Variants in COL5A2 observed in about 807,000 individuals in gnomAD.
COL5A2 encodes the protein collagen type V alpha 2 chain, also known as collagen alpha-2(V) chain.
A neutral mutation model predicts 208.2 loss-of-function variants in COL5A2; 23 were observed. That is an observed-to-expected ratio of 0.11 (90% confidence interval 0.08 to 0.16). The LOEUF is 0.16. COL5A2 is among the 10% of genes least tolerant of loss of function. COL5A2 has a pLI of 1.00. For synonymous variants in COL5A2, 625 were observed against 628.5 expected (o/e 0.99, Z 0.08); for missense variants, 1,590 against 1,956.4 (o/e 0.81, Z 3.53).
chr2:189,175,046 G>C (rs1259668346), intron 1 of COL5A2, among the ~76,000 whole-genome samples: 20 of 152,242 alleles, frequency 1.3e-4, no homozygotes, highest in Admixed American at 1.3e-3. Flanking sequence ...CATTGAAACC[G>C]TAAGATCTAG....
At chr2:189,428,451 CTACTAAAAA>C in the COL5A2 span, among the ~76,000 whole-genome samples, 1,157 of 152,158 alleles carry the variant, frequency 7.6e-3, 17 homozygotes, top group African/African-American at 0.027. Flanking sequence ...AATCCCATCT[CTACTAAAAA>C]TACAAAAATT....
At chr2:189,085,134 A>C in intron 11 of COL5A2, 26 bp downstream of exon 11, 1 of 1,604,568 alleles carries the variant, frequency 6.2e-7, no homozygotes, top group Non-Finnish European at 8.5e-7. Flanking sequence ...CAAAACCTGA[A>C]TGGAAAATGA....
the COL5A2 span, among the ~76,000 whole-genome samples, chr2:189,397,157 A>G: frequency 6.6e-6 from 1 of 152,174 alleles, no homozygotes; most frequent in African/African-American, 2.4e-5. Context: ...ATGAGAGTGG[A>G]GACTTTATGA....
rs1398449643 is a variant in COL5A2 at position 189,064,596 on chromosome 2, A to T, written c.1677T>A (p.Asp559Glu). ...GCCCAGGTTCCCCTGGACGTCCTGG[A>T]TCCCCCTGGCTTCCTTTGGGTCCTG... is the stretch of plus-strand genomic sequence containing the variant. ...GSSGPKGSQG[D>E]PGRPGEPGLP... The change falls in exon 25 of 54, where the codon GAT (aspartate) becomes GAA (glutamate). Residue 559 changes from aspartate (D) to glutamate (E), a missense_variant. Asp to Glu is a conservative substitution (Grantham distance 45). Coordinates refer to ENST00000374866, the MANE Select transcript of COL5A2 (RefSeq NM_000393.5). 4 of 1,613,978 alleles carry T rather than the reference A, an allele frequency of 2.5e-6. No homozygotes were observed. Among genetic ancestry groups the T allele is most frequent in the Non-Finnish European group, 3.4e-6 (4 of 1,179,976 alleles).
chr2:189,434,196 A>G, the COL5A2 span, among the ~76,000 whole-genome samples: 30 of 152,202 alleles, frequency 2.0e-4, no homozygotes, highest in Non-Finnish European at 4.4e-4. Flanking sequence ...AATAACAGCT[A>G]TTTATGACAA....
chr2:189,311,753 G>T, the COL5A2 span: 2 of 784,418 alleles, frequency 2.5e-6, no homozygotes, highest in Non-Finnish European at 2.3e-6. Context: ...TACTTGTCAA[G>T]CTCCTCTCGG....
the COL5A2 span, among the ~76,000 whole-genome samples, chr2:189,299,880 G>A: frequency 6.6e-6 from 1 of 152,076 alleles, no homozygotes; most frequent in Non-Finnish European, 1.5e-5. Context: ...AAAAAAAATA[G>A]CAACACCCAG....
intron 1 of COL5A2, among the ~76,000 whole-genome samples, chr2:189,129,807 G>T (rs1576545434): frequency 6.6e-6 from 1 of 152,096 alleles, no homozygotes; most frequent in Admixed American, 6.5e-5. Context: ...TGTGGTGGGA[G>T]GTTTACCGTA....
At chr2:189,066,705 A>G (rs1686159442) in intron 22 of COL5A2, 24 bp downstream of exon 22, 1 of 1,595,230 alleles carries the variant, frequency 6.3e-7, no homozygotes, top group South Asian at 1.1e-5. Flanking sequence ...TGTTCTACTT[A>G]TCATTAAAAC....
At chr2:189,427,715 G>A in the COL5A2 span, among the ~76,000 whole-genome samples, 1,955 of 152,324 alleles carry the variant, frequency 0.013, 53 homozygotes, top group African/African-American at 0.044. Context: ...TATGGGACAA[G>A]GAGTCGAAAT....
chr2:189,031,978 T>C lies in COL5A2; in HGVS notation c.*2092A>G, dbSNP rs1170807900. On this transcript the variant is annotated 3_prime_UTR_variant, in exon 54 of 54. Coordinates refer to ENST00000374866, the MANE Select transcript of COL5A2 (RefSeq NM_000393.5). ...TTTCTATAGTTGGAAATTGTTAGTG[T>C]TTGTGACTTAATAGTATTACCACAT... 6.6e-6 allele frequency: 1 copy of C among 152,226 alleles called. No individual in the cohort carries two copies. Among genetic ancestry groups the C allele is most frequent in the Non-Finnish European group, 1.5e-5 (1 of 67,996 alleles). 9.4% of individuals were successfully genotyped at this position (152,226 alleles called of 1,614,324 possible). A position where few individuals can be genotyped will look rare whatever the true frequency, so the allele number is the denominator to read the frequency against.
At chr2:189,316,913 G>A in the COL5A2 span, among the ~76,000 whole-genome samples, 1 of 151,908 alleles carries the variant, frequency 6.6e-6, no homozygotes, top group Non-Finnish European at 1.5e-5. Flanking sequence ...GTAACCCAAA[G>A]GATAAATTAT....
At chr2:189,085,081 A>T in intron 11 of COL5A2, 79 bp downstream of exon 11, 1 of 1,146,592 alleles carries the variant, frequency 8.7e-7, no homozygotes, top group Middle Eastern at 1.9e-4. Flanking sequence ...AATGGAAATT[A>T]ATACAGAACA....
chr2:189,081,476 T>C (rs1686532760), intron 12 of COL5A2, among the ~76,000 whole-genome samples: 1 of 152,214 alleles, frequency 6.6e-6, no homozygotes, highest in Non-Finnish European at 1.5e-5. Flanking sequence ...GTGCTTTATT[T>C]ATGGTACACG....
intron 46 of COL5A2, 36 bp downstream of exon 46, chr2:189,045,764 G>T: frequency 6.5e-7 from 1 of 1,544,138 alleles, no homozygotes; most frequent in East Asian, 2.2e-5. Context: ...ATATGGGTGT[G>T]CAAAACTGTC....
chr2:189,306,647 A>C, the COL5A2 span, among the ~76,000 whole-genome samples: 1 of 152,312 alleles, frequency 6.6e-6, no homozygotes, highest in South Asian at 2.1e-4. Flanking sequence ...GCTTGTTTTT[A>C]TTACCCAACA....
the COL5A2 span, among the ~76,000 whole-genome samples, chr2:189,429,552 C>A: frequency 1.6e-4 from 24 of 152,124 alleles, no homozygotes; most frequent in African/African-American, 5.8e-4. Context: ...CAGGGGTTGC[C>A]CTACTTAAGA....
At chr2:189,439,838 G>A in the COL5A2 span, among the ~76,000 whole-genome samples, 4 of 152,142 alleles carry the variant, frequency 2.6e-5, no homozygotes, top group East Asian at 5.8e-4. Context: ...ACACTAATTT[G>A]AGTGAAAATA....
intron 1 of COL5A2, among the ~76,000 whole-genome samples, chr2:189,130,079 A>C (rs1208643613): frequency 6.6e-6 from 1 of 152,058 alleles, no homozygotes; most frequent in Non-Finnish European, 1.5e-5. Flanking sequence ...TCCATGCCAG[A>C]CACTGCCCTG....
Sources: allele counts gnomAD v4.1 joint callset (sites outside exome capture counted in the v4.1 genomes callset), GRCh38; gene constraint gnomAD v4.1.1; transcripts MANE v1.5; gene names NCBI Gene and HGNC (gene_info 2026-07-23, HGNC 2026-07-21).